Variants in AK5 observed in about 807,000 individuals in gnomAD.
The protein encoded by AK5 is adenylate kinase isoenzyme 5.
A neutral mutation model predicts 69.5 loss-of-function variants in AK5; 27 were observed. The observed-to-expected ratio is 0.39, with a 90% confidence interval of 0.29 to 0.54. The LOEUF (loss-of-function observed/expected upper bound fraction) is 0.54. Ranked by LOEUF, AK5 falls within the 20% of genes least tolerant of loss-of-function variation. The pLI is 0.71. For missense variants in AK5, 531 were observed against 700.4 expected, an observed-to-expected ratio of 0.76 and a Z score of 2.73; for synonymous variants, 260 against 244.4, an observed-to-expected ratio of 1.06 and a Z score of -0.60.
chr1:77,552,565 G>A (rs1351115864), intron 13 of AK5, among the ~76,000 whole-genome samples: 1 of 152,214 alleles, frequency 6.6e-6, no homozygotes, highest in African/African-American at 2.4e-5. Context: ...CACTGTGATA[G>A]TAAAAGGCAG....
At chr1:77,372,772 C>CAT (rs113360454) in intron 6 of AK5, among the ~76,000 whole-genome samples, 1 of 149,518 alleles carries the variant, frequency 6.7e-6, no homozygotes, top group Non-Finnish European at 1.5e-5. Context: ...TGTGTGTGTG[C>CAT]GTGTGTGTGT....
chr1:77,364,504 A>G (rs976489290), intron 6 of AK5, among the ~76,000 whole-genome samples: 4 of 152,184 alleles, frequency 2.6e-5, no homozygotes, highest in African/African-American at 9.7e-5. Context: ...TGTAGCCCTT[A>G]ACAAATCTCT....
At chr1:77,296,835 T>C (rs1294721913) in intron 3 of AK5, among the ~76,000 whole-genome samples, 5 of 152,228 alleles carry the variant, frequency 3.3e-5, no homozygotes, top group Non-Finnish European at 4.4e-5. Context: ...GATAGAGATC[T>C]AGTTTATTTC....
At chr1:77,432,636 G>C (rs1486710412) in intron 8 of AK5, among the ~76,000 whole-genome samples, 1 of 152,202 alleles carries the variant, frequency 6.6e-6, no homozygotes, top group Non-Finnish European at 1.5e-5. Flanking sequence ...TTGAGAATTA[G>C]ATGACATCTG....
At chr1:77,429,002 T>G (rs1195591641) in intron 8 of AK5, among the ~76,000 whole-genome samples, 1 of 152,220 alleles carries the variant, frequency 6.6e-6, no homozygotes, top group Non-Finnish European at 1.5e-5. Flanking sequence ...TCTATCATTG[T>G]TGGACATTTG....
intron 5 of AK5, among the ~76,000 whole-genome samples, chr1:77,334,570 C>G (rs1661252869): frequency 6.6e-6 from 1 of 152,044 alleles, no homozygotes; most frequent in African/African-American, 2.4e-5. Context: ...GCCTTCTAAC[C>G]ATGTCTCAGG....
chr1:77,544,519 T>G (rs918094153), intron 13 of AK5, among the ~76,000 whole-genome samples: 1 of 152,142 alleles, frequency 6.6e-6, no homozygotes, highest in Admixed American at 6.5e-5. Context: ...TATGTTTTTT[T>G]CTATTTTAAA....
At chr1:77,485,723 AG>A (rs1381040454) in intron 9 of AK5, among the ~76,000 whole-genome samples, 1 of 152,248 alleles carries the variant, frequency 6.6e-6, no homozygotes, top group Non-Finnish European at 1.5e-5. Flanking sequence ...TTTTAAAAAT[AG>A]CTTTCTTTGT....
chr1:77,344,554 G>A (rs1200453465), intron 6 of AK5, among the ~76,000 whole-genome samples: 1 of 152,116 alleles, frequency 6.6e-6, no homozygotes, highest in Non-Finnish European at 1.5e-5. Flanking sequence ...AGTAAGCTGT[G>A]TCTCTTGACA....
intron 6 of AK5, among the ~76,000 whole-genome samples, chr1:77,391,495 G>GTGTATATA (rs1425180466): frequency 1.2e-3 from 74 of 63,374 alleles, no homozygotes; most frequent in African/African-American, 2.0e-3. Flanking sequence ...GTGTGTGTGT[G>GTGTATATA]TATATATATA....
intron 6 of AK5, among the ~76,000 whole-genome samples, chr1:77,368,057 A>G (rs1647032263): frequency 7.4e-6 from 1 of 134,610 alleles, no homozygotes; most frequent in African/African-American, 2.7e-5. Flanking sequence ...AATATGAGTC[A>G]AAAACCTTTA....
chr1:77,411,104 C>T (rs746671145), intron 7 of AK5, 33 bp downstream of exon 7: 1 of 1,561,464 alleles, frequency 6.4e-7, no homozygotes, highest in Non-Finnish European at 8.8e-7. Flanking sequence ...CAACAGTACG[C>T]CGTGATCACC....
intron 5 of AK5, among the ~76,000 whole-genome samples, chr1:77,335,052 A>G (rs1313756393): frequency 6.6e-6 from 1 of 152,114 alleles, no homozygotes; most frequent in Non-Finnish European, 1.5e-5. Flanking sequence ...AGTTTAGCTT[A>G]TCTGAATTAT....
chr1:77,348,151 C>A (rs958379624), intron 6 of AK5, among the ~76,000 whole-genome samples: 2 of 152,110 alleles, frequency 1.3e-5, no homozygotes, highest in Non-Finnish European at 2.9e-5. Flanking sequence ...TACCGACACT[C>A]ATAAAACAGA....
chr1:77,486,559 A>C (rs560469342), intron 10 of AK5, among the ~76,000 whole-genome samples: 2 of 151,918 alleles, frequency 1.3e-5, no homozygotes, highest in East Asian at 1.9e-4. Context: ...TTAGCCGGGC[A>C]TGGTGGCGGG....
intron 6 of AK5, among the ~76,000 whole-genome samples, chr1:77,410,130 T>G (rs555031180): frequency 6.6e-6 from 1 of 152,108 alleles, no homozygotes; most frequent in Non-Finnish European, 1.5e-5. Flanking sequence ...CATTTTAAAA[T>G]ATTTAAAATT....
At chr1:77,419,396 C>G (rs1381378813) in intron 8 of AK5, among the ~76,000 whole-genome samples, 1 of 151,464 alleles carries the variant, frequency 6.6e-6, no homozygotes, top group Non-Finnish European at 1.5e-5. Flanking sequence ...CCACACCCCC[C>G]AAGAACTAGA....
chr1:77,343,144 A>G (rs1329542164), intron 6 of AK5, among the ~76,000 whole-genome samples: 1 of 152,124 alleles, frequency 6.6e-6, no homozygotes, highest in Non-Finnish European at 1.5e-5. Flanking sequence ...TAAGTGTGAA[A>G]ATGTGCAGGG....
intron 6 of AK5, among the ~76,000 whole-genome samples, chr1:77,355,904 C>CACAT (rs1238337604): frequency 1.7e-4 from 20 of 115,528 alleles, no homozygotes; most frequent in African/African-American, 4.2e-4. Flanking sequence ...CACACACACA[C>CACAT]ATATATATAT....
Sources: gnomAD v4.1 joint callset for allele counts (sites outside exome capture counted in the v4.1 genomes callset) on GRCh38, gnomAD v4.1.1 for gene constraint, MANE v1.5 for transcripts, NCBI Gene and HGNC (gene_info 2026-07-23, HGNC 2026-07-21) for gene names.